Variants in LIG3 observed in about 807,000 individuals in gnomAD.
LIG3 encodes ligase II, DNA, ATP-dependent.
In LIG3, 58 loss-of-function variants were observed where a neutral mutation model predicts 110.9. That is an observed-to-expected ratio of 0.52 (90% CI 0.42 to 0.65). The LOEUF (loss-of-function observed/expected upper bound fraction) is 0.65. LIG3 is among the 30% of genes least tolerant of loss of function. The pLI, the probability that LIG3 is intolerant of heterozygous loss-of-function variation, is 0.00. For synonymous variants in LIG3, 422 were observed against 472.8 expected (o/e 0.89, Z 1.39); for missense variants, 1,094 against 1,273.8 (o/e 0.86, Z 2.15).
downstream of LIG3, chr17:35,010,007 A>C (rs1295234914): frequency 6.6e-6 from 1 of 152,670 alleles, no homozygotes; most frequent in Non-Finnish European, 1.5e-5. Context: ...ACTCCTGCAA[A>C]GGCTGTGGTT....
At chr17:34,982,647 CAAA>C (rs201908775) in intron 1 of LIG3, among the ~76,000 whole-genome samples, 7 of 79,622 alleles carry the variant, frequency 8.8e-5, no homozygotes, top group Non-Finnish European at 5.4e-5. Context: ...AACTCCGCCT[CAAA>C]AAAAAAAAAA....
chr17:34,988,836 C>T (rs1567687390), intron 3 of LIG3, among the ~76,000 whole-genome samples: 1 of 152,204 alleles, frequency 6.6e-6, no homozygotes, highest in Non-Finnish European at 1.5e-5. Flanking sequence ...TCTCAGACCT[C>T]AGTCCCCTTA....
At position 35,002,744 on chromosome 17, in the gene LIG3, A is replaced by C. The variant is rs539781446; in HGVS notation, c.2751A>C (p.Val917=). Residue 917 remains valine, a synonymous_variant, in exon 19 of 20, where the codon GTA becomes GTC. Transcript: ENST00000378526. ...CCACAAAGTCTTCTCCAGTGAAAGT[A>C]GGGGAGAAGCGGAAAGCTGCTGATG... ...KLATKSSPVK[V]GEKRKAADET... 4.3e-6 allele frequency: 7 copies of C among 1,612,498 alleles called. No individual in the cohort carries two copies. In the Admixed American group the frequency reaches 5.0e-5, roughly 12 times the overall value.
rs751006081 is a variant in LIG3 at position 35,002,071 on chromosome 17, G to A, written c.2641G>A (p.Glu881Lys). ...GCCCTCAGCCAGTACCAAGAAAGCAGAAGGGAAGCTGAGTAACTCCAACAG... is the reference window on the plus strand; with the variant it reads ...GCCCTCAGCCAGTACCAAGAAAGCAAAAGGGAAGCTGAGTAACTCCAACAG... ...SKPSASTKKA[E>K]GKLSNSNSKD... Residue 881 changes from glutamate (E) to lysine (K), a missense_variant, in exon 18 of 20, where the codon GAA becomes AAA. Transcript: ENST00000378526. 1.3e-6 allele frequency: 2 copies of A among 1,595,088 alleles called. No individual in the cohort carries two copies. Among genetic ancestry groups the A allele is most frequent in the Non-Finnish European group, 8.5e-7 (1 of 1,172,376 alleles).
Position 34,991,733 on chromosome 17 carries a change from C to A in LIG3, c.1104C>A (p.Ala368=). Residue 368 remains alanine, a synonymous_variant, in exon 6 of 20, where the codon GCC becomes GCA. Transcript: ENST00000378526. ...FEQSKSFPPA[A]KSLLTIQEVD... ...AGAGCAAGTCTTTCCCCCCAGCTGC[C>A]AAGAGCCTCCTTACCATCCAGGAAG... 3 of 1,614,056 alleles carry A rather than the reference C, an allele frequency of 1.9e-6. No individual in the cohort carries two copies. Among genetic ancestry groups the A allele is most frequent in the Non-Finnish European group, 2.5e-6 (3 of 1,179,998 alleles).
chr17:34,991,576 T>C lies in LIG3; in HGVS notation c.1042-95T>C, dbSNP rs979449730. On this transcript the variant is annotated intron_variant, in intron 5 of 19. Coordinates refer to ENST00000378526, the MANE Select transcript of LIG3 (RefSeq NM_013975.4). ...TGTTGAGTTGGGATAGGAGCTATGA[T>C]TGAAATTTCTTGATTCATCTTCAGT... 7.2e-6 allele frequency: 9 copies of C among 1,242,608 alleles called. No homozygotes were observed. In the Admixed American group the frequency reaches 1.5e-4, roughly 20 times the overall value. 77.0% of individuals were successfully genotyped at this position (1,242,608 alleles called of 1,614,324 possible).
At chr17:34,997,584 C>A (rs564990339) in intron 11 of LIG3, 154 bp from the exon 12 acceptor site, 7 of 619,974 alleles carry the variant, frequency 1.1e-5, no homozygotes, top group Non-Finnish European at 2.1e-5. Context: ...GCCCTTGTAG[C>A]CCTTGACAGC....
intron 16 of LIG3, 137 bp from the exon 17 acceptor site, chr17:35,001,120 G>A (rs763628958): frequency 4.0e-5 from 33 of 820,818 alleles, no homozygotes; most frequent in Non-Finnish European, 5.6e-5. Context: ...TGGCCAGGCT[G>A]GTCTCAAACT....
chr17:35,009,606 GTTGT>G lies in LIG3; in HGVS notation c.*5104_*5107del, dbSNP rs2090922849. On this transcript the variant is annotated 3_prime_UTR_variant, in exon 20 of 20. Coordinates refer to ENST00000378526, the MANE Select transcript of LIG3 (RefSeq NM_013975.4). ...TGATGCAAAAAAAAAAAAAATCAGG[GTTGT>G]TTGACACCTTTTTTCCTAAAGGGAA... is the stretch of plus-strand genomic sequence containing the variant. 2 of 151,926 alleles carry G rather than the reference GTTGT, an allele frequency of 1.3e-5. No homozygotes were observed. Among genetic ancestry groups the G allele is most frequent in the Non-Finnish European group, 2.9e-5 (2 of 68,004 alleles). The allele number at this position is 151,926 out of a possible 1,614,324, so 9.4% of individuals were successfully genotyped here. A position where few individuals can be genotyped will look rare whatever the true frequency, so the allele number is the denominator to read the frequency against.
chr17:34,999,864 C>T lies in LIG3; in HGVS notation c.2331+8C>T. The T allele has an allele frequency of 6.2e-7, 1 of 1,611,240 alleles. No homozygotes were observed. Among genetic ancestry groups the T allele is most frequent in the Non-Finnish European group, 8.5e-7 (1 of 1,177,390 alleles). Reference sequence around the variant, plus strand: ...ATCGTCCCAGACCCAAAGGTATCAACCCAGTGGCTTGGGGGCCTCCAGCTC... The same window carrying T: ...ATCGTCCCAGACCCAAAGGTATCAATCCAGTGGCTTGGGGGCCTCCAGCTC... On this transcript the variant is annotated splice_region_variant and intron_variant, in intron 16 of 19. Transcript: ENST00000378526.
Position 34,991,269 on chromosome 17 carries a change from T to A in LIG3, c.1041+155T>A, listed in dbSNP as rs1179301152. 3 of 679,164 alleles carry A rather than the reference T, an allele frequency of 4.4e-6. No individual in the cohort carries two copies. In the African/African-American group the frequency reaches 5.4e-5, roughly 12 times the overall value. The allele number at this position is 679,164 out of a possible 1,614,324, so 42.1% of individuals were successfully genotyped here. A position where few individuals can be genotyped will look rare whatever the true frequency, so the allele number is the denominator to read the frequency against. On this transcript the variant is annotated intron_variant, in intron 5 of 19. Coordinates refer to ENST00000378526, the MANE Select transcript of LIG3 (RefSeq NM_013975.4). ...AGCTTCCGTTATAGGGGGAGCTGAA[T>A]GTGAGGCTATAGCTCTTAATTTCTT...
chr17:34,991,051 T>G lies in LIG3; in HGVS notation c.978T>G (p.Ile326Met), dbSNP rs564927633. 1.2e-6 allele frequency: 2 copies of G among 1,614,170 alleles called. No homozygotes were observed. Among genetic ancestry groups the G allele is most frequent in the East Asian group, 4.5e-5 (2 of 44,884 alleles). ...TTTACAACTTGAACGATAAGCAGAT[T>G]GTGAAGCTTTTCAGTCGCATTTTTA... ...KTVYNLNDKQ[I>M]VKLFSRIFNC... Residue 326 changes from isoleucine to methionine, a missense_variant, in exon 5 of 20, where the codon ATT becomes ATG. Physicochemically the swap from Ile to Met is conservative, Grantham distance 10. Transcript: ENST00000378526.
rs1355885068 is a variant in LIG3 at position 35,006,556 on chromosome 17, T to C, written c.*2050T>C. On this transcript the variant is annotated 3_prime_UTR_variant, in exon 20 of 20. Coordinates refer to ENST00000378526, the MANE Select transcript of LIG3 (RefSeq NM_013975.4). ...ACATAGTTATCTAGAGTTGGGAACG[T>C]CACTCCTGGTGTGCATGTCCAGACC... 1 of 152,234 alleles carries C rather than the reference T, an allele frequency of 6.6e-6. No homozygotes were observed. The highest frequency in any genetic ancestry group is 2.4e-5 in the African/African-American group (1 of 41,430). The allele number at this position is 152,234 out of a possible 1,614,324, so 9.4% of individuals were successfully genotyped here. A position where few individuals can be genotyped will look rare whatever the true frequency, so the allele number is the denominator to read the frequency against.
At chr17:34,980,951 T>G (rs2090582140) in intron 1 of LIG3, 2 of 152,226 alleles carry the variant, frequency 1.3e-5, no homozygotes, top group South Asian at 4.1e-4. Flanking sequence ...CGGGTGGGAC[T>G]CAGGGAGCCT....
chr17:34,992,718 T>A, intron 8 of LIG3, 26 bp downstream of exon 8: 2 of 1,537,618 alleles, frequency 1.3e-6, no homozygotes. Context: ...CTGCCTCTGC[T>A]TTCCAGCCTC....
Position 34,998,200 on chromosome 17 carries a change from C to T in LIG3, c.1912-19C>T. On this transcript the variant is annotated intron_variant, in intron 12 of 19. Transcript: ENST00000378526. ...TTCTCCACTCTCACACCAACTTCAGCATCTCTCTTGTCCCTCAGAAAGCTT... is the reference window on the plus strand; with the variant it reads ...TTCTCCACTCTCACACCAACTTCAGTATCTCTCTTGTCCCTCAGAAAGCTT... 3 of 1,598,438 alleles carry T rather than the reference C, an allele frequency of 1.9e-6. No individual in the cohort carries two copies. Among genetic ancestry groups the T allele is most frequent in the South Asian group, 1.1e-5 (1 of 89,358 alleles).
rs2090712932 is a variant in LIG3 at position 34,990,939 on chromosome 17, AAGAAGGGTT to A, written c.890-23_890-15del. 3 of 1,610,266 alleles carry A rather than the reference AAGAAGGGTT, an allele frequency of 1.9e-6. No homozygotes were observed. Among genetic ancestry groups the A allele is most frequent in the African/African-American group, 1.3e-5 (1 of 74,720 alleles). On this transcript the variant is annotated splice_polypyrimidine_tract_variant and intron_variant, in intron 4 of 19. Transcript: ENST00000378526. ...TTTATTTGTTTAAGCTCTATTTCTC[AAGAAGGGTT>A]CCTTCTGTCTCCAGATGGTTTCCAC...
intron 3 of LIG3, among the ~76,000 whole-genome samples, chr17:34,986,865 T>C (rs1268579996): frequency 6.6e-6 from 1 of 152,134 alleles, no homozygotes; most frequent in East Asian, 1.9e-4. Context: ...CCTTCTTGAT[T>C]CTTAAAACTG....
rs2090883767 is a variant in LIG3 at position 35,004,982 on chromosome 17, T to C, written c.*476T>C. 2 of 286,234 alleles carry C rather than the reference T, an allele frequency of 7.0e-6. No individual in the cohort carries two copies. The highest frequency in any genetic ancestry group is 1.4e-5 in the Non-Finnish European group (2 of 146,392). The allele number at this position is 286,234 out of a possible 1,614,324, so 17.7% of individuals were successfully genotyped here. A position where few individuals can be genotyped will look rare whatever the true frequency, so the allele number is the denominator to read the frequency against. On this transcript the variant is annotated 3_prime_UTR_variant, in exon 20 of 20. Transcript: ENST00000378526. ...GACTGCCCTCGGAAATGCTTCTGTTTAGCGGAACTTGTATTCAGCCTGACA... is the reference window on the plus strand; with the variant it reads ...GACTGCCCTCGGAAATGCTTCTGTTCAGCGGAACTTGTATTCAGCCTGACA...
Sources: gnomAD v4.1 joint callset for allele counts (sites outside exome capture counted in the v4.1 genomes callset) on GRCh38, gnomAD v4.1.1 for gene constraint, MANE v1.5 for transcripts, NCBI Gene and HGNC (gene_info 2026-07-23, HGNC 2026-07-21) for gene names.